RIT2: variants seen among roughly 807,000 people sequenced by gnomAD.
RIT2 encodes GTP-binding protein Rit2.
Under a neutral mutation model 23.7 loss-of-function variants are expected in RIT2, and 24 were observed. That is an observed-to-expected ratio of 1.01 (90% confidence interval 0.73 to 1.43). The LOEUF (loss-of-function observed/expected upper bound fraction) is 1.43. Among genes scored for constraint, RIT2 ranks in the 40% most tolerant of loss-of-function variants. RIT2 has a pLI of 0.00. For synonymous variants in RIT2, 107 were observed against 91.1 expected (o/e 1.17, Z -0.99); for missense variants, 236 against 266.9 (o/e 0.88, Z 0.81).
intron 2 of RIT2, among the ~76,000 whole-genome samples, chr18:42,979,693 A>T (rs1910553162): frequency 6.6e-6 from 1 of 152,154 alleles, no homozygotes; most frequent in African/African-American, 2.4e-5. Context: ...GCATTGATAC[A>T]AATCTAATGT....
chr18:43,003,978 T>C (rs1259045584), intron 2 of RIT2, among the ~76,000 whole-genome samples: 5 of 151,308 alleles, frequency 3.3e-5, no homozygotes, highest in Admixed American at 1.3e-4. Context: ...CTCTGCTTTT[T>C]CTGTACTCTA....
intron 4 of RIT2, among the ~76,000 whole-genome samples, chr18:42,806,769 T>G (rs1905696128): frequency 6.6e-6 from 1 of 152,224 alleles, no homozygotes; most frequent in South Asian, 2.1e-4. Flanking sequence ...GCAATTAGAC[T>G]AAATTTGCTT....
At chr18:42,955,715 C>T (rs1317415869) in intron 3 of RIT2, among the ~76,000 whole-genome samples, 1 of 152,126 alleles carries the variant, frequency 6.6e-6, no homozygotes, top group African/African-American at 2.4e-5. Flanking sequence ...AGATTTAATT[C>T]ATATAAAACT....
At chr18:42,746,855 C>G (rs1453303002) in intron 4 of RIT2, among the ~76,000 whole-genome samples, 1 of 152,024 alleles carries the variant, frequency 6.6e-6, no homozygotes, top group East Asian at 1.9e-4. Context: ...TCCAGCATCC[C>G]TTTGTGATTA....
chr18:43,071,484 G>A (rs9965411), intron 1 of RIT2, among the ~76,000 whole-genome samples: 23,103 of 151,996 alleles, frequency 0.15, 1,879 homozygotes, highest in South Asian at 0.21. Context: ...TTGACAGTTG[G>A]CATTTTCTTC....
At chr18:42,816,145 A>C (rs940238917) in intron 4 of RIT2, among the ~76,000 whole-genome samples, 4 of 152,146 alleles carry the variant, frequency 2.6e-5, no homozygotes, top group African/African-American at 7.2e-5. Context: ...CCAAGCAAAA[A>C]AAAAAAAAGT....
chr18:42,935,930 G>A (rs1426251080), intron 3 of RIT2, among the ~76,000 whole-genome samples: 3 of 151,850 alleles, frequency 2.0e-5, no homozygotes, highest in Non-Finnish European at 4.4e-5. Flanking sequence ...TGGATTTGGC[G>A]CCCTATGCAG....
Position 42,971,006 on chromosome 18 carries a change from C to T in RIT2, c.234+3068G>A, listed in dbSNP as rs1049132143. On this transcript the variant is annotated intron_variant, in intron 3 of 4. Coordinates refer to ENST00000326695, the MANE Select transcript of RIT2 (RefSeq NM_002930.4). ...ATCATGAAACACATTGGGACTTGGC[C>T]TCCAGTATTGCCACCAAGAAAACAC... Among the ~76,000 whole-genome samples the T allele has an allele frequency of 2.6e-5, 4 of 151,780 alleles. No homozygotes were observed. In the East Asian group the frequency reaches 7.7e-4, roughly 29 times the overall value.
At chr18:42,882,161 G>A (rs896501108) in intron 4 of RIT2, among the ~76,000 whole-genome samples, 3 of 152,106 alleles carry the variant, frequency 2.0e-5, no homozygotes, top group Non-Finnish European at 4.4e-5. Flanking sequence ...TAAGATACAG[G>A]CTTAACGGAT....
chr18:43,105,794 C>G (rs1347798703), intron 1 of RIT2, among the ~76,000 whole-genome samples: 2 of 152,098 alleles, frequency 1.3e-5, no homozygotes, highest in Non-Finnish European at 2.9e-5. Context: ...TGAACCGTTA[C>G]AGTAGTTATT....
chr18:43,052,825 G>A (rs1232397344), intron 1 of RIT2, among the ~76,000 whole-genome samples: 1 of 151,992 alleles, frequency 6.6e-6, no homozygotes, highest in Non-Finnish European at 1.5e-5. Context: ...CTGTGACTTC[G>A]AGTAGCCTAT....
chr18:42,795,724 G>A (rs530967538), intron 4 of RIT2, among the ~76,000 whole-genome samples: 1 of 152,358 alleles, frequency 6.6e-6, no homozygotes, highest in Admixed American at 6.5e-5. Flanking sequence ...GAACCTTTAT[G>A]TCTAGCTCAG....
intron 4 of RIT2, among the ~76,000 whole-genome samples, chr18:42,866,504 C>T (rs1907473445): frequency 6.6e-6 from 1 of 152,116 alleles, no homozygotes; most frequent in Admixed American, 6.5e-5. Flanking sequence ...CTCCCCAAAT[C>T]AGGCATCTAT....
chr18:42,825,974 C>T (rs1054468946), intron 4 of RIT2, among the ~76,000 whole-genome samples: 4 of 151,884 alleles, frequency 2.6e-5, no homozygotes, highest in Non-Finnish European at 4.4e-5. Context: ...TTAATTATTG[C>T]CCTGTGGATA....
At chr18:42,854,686 A>C (rs2144041006) in intron 4 of RIT2, among the ~76,000 whole-genome samples, 1 of 152,358 alleles carries the variant, frequency 6.6e-6, no homozygotes, top group East Asian at 1.9e-4. Flanking sequence ...CAGCTAAAGT[A>C]CTTGTTCTAG....
rs577390683 is a variant in RIT2 at position 42,851,903 on chromosome 18, C to A, written c.426+71669G>T. On this transcript the variant is annotated intron_variant, in intron 4 of 4. Transcript: ENST00000326695. ...GGTCTCACAGCAGTGCACTGTAACT[C>A]CCATGGGTAATATTTGCTCTCTCAG... Among the ~76,000 whole-genome samples, 9 of 152,176 alleles carry A rather than the reference C, an allele frequency of 5.9e-5. No homozygotes were observed. In the South Asian group the frequency reaches 1.5e-3, roughly 25 times the overall value.
chr18:42,747,151 C>A (rs1567986285), intron 4 of RIT2, among the ~76,000 whole-genome samples: 1 of 151,904 alleles, frequency 6.6e-6, no homozygotes, highest in Admixed American at 6.6e-5. Context: ...ACCTAGAAAA[C>A]CCTAAAGACT....
chr18:43,067,615 A>G (rs893559748), intron 1 of RIT2, among the ~76,000 whole-genome samples: 2 of 152,178 alleles, frequency 1.3e-5, no homozygotes, highest in Non-Finnish European at 2.9e-5. Context: ...TATCAATAGA[A>G]AGGAATATCT....
chr18:42,863,826 C>T (rs186730817), intron 4 of RIT2, among the ~76,000 whole-genome samples: 39 of 152,166 alleles, frequency 2.6e-4, no homozygotes, highest in East Asian at 7.7e-4. Flanking sequence ...TTCTAGAAAG[C>T]CCCTTTCAAA....
Sources: allele counts gnomAD v4.1 joint callset (sites outside exome capture counted in the v4.1 genomes callset), GRCh38; gene constraint gnomAD v4.1.1; transcripts MANE v1.5; gene names NCBI Gene and HGNC (gene_info 2026-07-23, HGNC 2026-07-21).